HHIPL1: variants seen among roughly 807,000 people sequenced by gnomAD.
HHIPL1 encodes HHIP like 1, also known as HHIP-like protein 1.
In HHIPL1, 43 loss-of-function variants were observed where a neutral mutation model predicts 61.8. The observed-to-expected ratio is 0.70, with a 90% confidence interval of 0.55 to 0.90. The LOEUF (loss-of-function observed/expected upper bound fraction) is 0.90. HHIPL1 is among the 40% of genes least tolerant of loss of function. The pLI is 0.00. For missense variants in HHIPL1, 1,056 were observed against 1,157.7 expected, an observed-to-expected ratio of 0.91 and a Z score of 1.28; for synonymous variants, 482 against 515.8, an observed-to-expected ratio of 0.93 and a Z score of 0.89.
intron 6 of HHIPL1, 84 bp downstream of exon 6, chr14:99,663,105 T>C: frequency 7.4e-7 from 1 of 1,344,068 alleles, no homozygotes; most frequent in South Asian, 1.5e-5. Context: ...GTCTCTGATG[T>C]AGGGGAAGGA....
upstream of HHIPL1, among the ~76,000 whole-genome samples, chr14:99,643,032 TCTGA>T (rs1030467419): frequency 4.0e-5 from 6 of 151,876 alleles, no homozygotes; most frequent in African/African-American, 9.7e-5. Flanking sequence ...TGATGCTCCT[TCTGA>T]CTGACTTTTT....
At chr14:99,621,939 T>C in the HHIPL1 span, among the ~76,000 whole-genome samples, 595 of 152,070 alleles carry the variant, frequency 3.9e-3, 3 homozygotes, top group African/African-American at 0.014. Context: ...ATAGTCTCGA[T>C]CTCCTGACCT....
At chr14:99,612,132 C>T in the HHIPL1 span, among the ~76,000 whole-genome samples, 1 of 152,110 alleles carries the variant, frequency 6.6e-6, no homozygotes, top group Non-Finnish European at 1.5e-5. Context: ...TCCGCGTGGC[C>T]AGGGAAGCCT....
intron 5 of HHIPL1, among the ~76,000 whole-genome samples, chr14:99,661,456 A>G (rs1224240318): frequency 6.6e-6 from 1 of 152,090 alleles, no homozygotes; most frequent in Admixed American, 6.5e-5. Context: ...GAAGGAGTAC[A>G]TGCTTAATAT....
At chr14:99,657,273 C>T in intron 3 of HHIPL1, 130 bp downstream of exon 3, 5 of 1,053,436 alleles carry the variant, frequency 4.7e-6, no homozygotes, top group Non-Finnish European at 5.7e-6. Flanking sequence ...GGTCCCAGCT[C>T]AGCCTGCAGC....
At chr14:99,664,013 G>T (rs1206702596) in intron 6 of HHIPL1, among the ~76,000 whole-genome samples, 2 of 152,228 alleles carry the variant, frequency 1.3e-5, no homozygotes, top group African/African-American at 2.4e-5. Flanking sequence ...CTTCTTGCCG[G>T]TTAGTGGGTC....
the HHIPL1 span, chr14:99,624,697 A>C: frequency 6.6e-6 from 1 of 152,328 alleles, no homozygotes; most frequent in African/African-American, 2.4e-5. Context: ...GCAGGCCACC[A>C]ACGCCTTCTG....
chr14:99,632,970 G>A, the HHIPL1 span, among the ~76,000 whole-genome samples: 1 of 150,686 alleles, frequency 6.6e-6, no homozygotes, highest in Non-Finnish European at 1.5e-5. Context: ...GGTCCTATCT[G>A]AGGCCTCATG....
the HHIPL1 span, among the ~76,000 whole-genome samples, chr14:99,619,840 G>A: frequency 6.6e-6 from 1 of 151,908 alleles, no homozygotes; most frequent in African/African-American, 2.4e-5. Flanking sequence ...GGACGTGTTT[G>A]TGCACAGCTT....
chr14:99,628,270 G>A, the HHIPL1 span, among the ~76,000 whole-genome samples: 1 of 152,164 alleles, frequency 6.6e-6, no homozygotes, highest in East Asian at 1.9e-4. Context: ...CTTCCTTTCT[G>A]TCCTCTCTAA....
Position 99,652,365 on chromosome 14 carries a change from C to T in HHIPL1, c.397C>T (p.Gln133Ter), listed in dbSNP as rs2055947454. Residue 133 changes from glutamine to a stop codon, truncating the protein, a stop_gained, in exon 2 of 9, where the codon CAG becomes TAG. Transcript: ENST00000330710. LOFTEE classifies it high-confidence loss of function. The part of the protein sequence containing the change: ...RGLFRHLSTD[Q>*]ELWALEGNLA... ...GCTGTTCCGTCACCTGTCAACTGACCAGGAGCTCTGGGCGCTGGAGGGCAA... is the reference window on the plus strand; with the variant it reads ...GCTGTTCCGTCACCTGTCAACTGACTAGGAGCTCTGGGCGCTGGAGGGCAA... 6.2e-7 allele frequency: 1 copy of T among 1,614,100 alleles called. No homozygotes were observed. The highest frequency in any genetic ancestry group is 1.7e-5 in the Admixed American group (1 of 60,008).
chr14:99,605,066 G>A, the HHIPL1 span, among the ~76,000 whole-genome samples: 3 of 152,184 alleles, frequency 2.0e-5, no homozygotes, highest in Non-Finnish European at 2.9e-5. Context: ...CCCCGATGGG[G>A]CGAGAGCTCC....
At position 99,659,781 on chromosome 14, in the gene HHIPL1, C is replaced by A. The variant is rs1279612555; in HGVS notation, c.1375+25C>A. 3.6e-6 allele frequency: 5 copies of A among 1,384,312 alleles called. No individual in the cohort carries two copies. The African/African-American group carries it at 7.7e-5, about 21-fold the overall frequency. The allele number at this position is 1,384,312 out of a possible 1,614,324, so 85.8% of individuals were successfully genotyped here. A position where few individuals can be genotyped will look rare whatever the true frequency, so the allele number is the denominator to read the frequency against. On this transcript the variant is annotated intron_variant, in intron 4 of 8. Coordinates refer to ENST00000330710, the MANE Select transcript of HHIPL1 (RefSeq NM_001127258.3). ...AGTGAGTGCCCGCGCCCCGGGGACC[C>A]CGGCCCCGAATCCGCCCCCACCCCA...
intron 2 of HHIPL1, among the ~76,000 whole-genome samples, chr14:99,653,636 C>A (rs1246060819): frequency 6.6e-6 from 1 of 152,218 alleles, no homozygotes; most frequent in Non-Finnish European, 1.5e-5. Context: ...CCACCTGAAT[C>A]CCCTGCCTCA....
intron 6 of HHIPL1, among the ~76,000 whole-genome samples, chr14:99,666,199 A>G (rs2056242327): frequency 6.6e-6 from 1 of 152,236 alleles, no homozygotes; most frequent in African/African-American, 2.4e-5. Flanking sequence ...ACGATCTGCC[A>G]TGGGAAAGAG....
the HHIPL1 span, among the ~76,000 whole-genome samples, chr14:99,607,768 G>A: frequency 1.1e-4 from 3 of 26,410 alleles, no homozygotes; most frequent in South Asian, 0.01. Context: ...GTACGTGACA[G>A]ATTGAGTCTG....
the HHIPL1 span, among the ~76,000 whole-genome samples, chr14:99,606,652 G>A: frequency 6.6e-6 from 1 of 152,230 alleles, no homozygotes; most frequent in African/African-American, 2.4e-5. Context: ...TCTAGGTGGG[G>A]TTTGTTTGCG....
chr14:99,675,036 A>C lies in HHIPL1; in HGVS notation c.1814-55A>C. 1.0e-6 allele frequency: 1 copy of C among 984,740 alleles called. No individual in the cohort carries two copies. Among genetic ancestry groups the C allele is most frequent in the Non-Finnish European group, 1.3e-6 (1 of 795,110 alleles). The allele number at this position is 984,740 out of a possible 1,614,324, so 61.0% of individuals were successfully genotyped here. A position where few individuals can be genotyped will look rare whatever the true frequency, so the allele number is the denominator to read the frequency against. On this transcript the variant is annotated intron_variant, in intron 8 of 8. Coordinates refer to ENST00000330710, the MANE Select transcript of HHIPL1 (RefSeq NM_001127258.3). This position sits in a 1 kb window ranked among gnomAD's most constrained non-coding sequence, Gnocchi z 5.4. ...TGCAGGGCAGCACAGGGTGGGCAGC[A>C]GGGCTGGACAGGGGCGCCTGGGTCC...
At chr14:99,637,117 A>AAGAAAAGAAAAAGAG in the HHIPL1 span, among the ~76,000 whole-genome samples, 2 of 143,428 alleles carry the variant, frequency 1.4e-5, no homozygotes, top group Non-Finnish European at 3.0e-5. Flanking sequence ...GAAAGAAAGA[A>AAGAAAAGAAAAAGAG]AGAAAAGAAA....
Sources: allele counts gnomAD v4.1 joint callset (sites outside exome capture counted in the v4.1 genomes callset), GRCh38; gene constraint gnomAD v4.1.1; non-coding constraint Gnocchi (gnomAD v3.1); transcripts MANE v1.5; gene names NCBI Gene and HGNC (gene_info 2026-07-23, HGNC 2026-07-21).